KATNIP: variants seen among roughly 807,000 people sequenced by gnomAD.
The protein encoded by KATNIP is katanin-interacting protein.
Under a neutral mutation model 174.0 loss-of-function variants are expected in KATNIP, and 126 were observed. The ratio of observed to expected loss-of-function variants is 0.72; its 90% CI spans 0.63 to 0.84. The LOEUF (loss-of-function observed/expected upper bound fraction) is 0.84, where lower values mean the gene tolerates loss of function less well. Ranked by LOEUF, KATNIP falls within the 40% of genes least tolerant of loss-of-function variation. The probability of loss-of-function intolerance (pLI) is 0.00; values close to 1 mark genes in which losing one functional copy is unlikely to be tolerated. For missense variants in KATNIP, 1,958 were observed against 2,109.7 expected (o/e 0.93, Z 1.41); for synonymous variants, 810 against 835.7 (o/e 0.97, Z 0.53).
chr16:27,634,160 A>G (rs963599046), intron 5 of KATNIP, among the ~76,000 whole-genome samples: 1 of 152,144 alleles, frequency 6.6e-6, no homozygotes, highest in African/African-American at 2.4e-5. Flanking sequence ...TTGGCCTAAG[A>G]TTAATTAGCA....
At chr16:27,733,600 CACAT>C (rs1366207715) in intron 14 of KATNIP, among the ~76,000 whole-genome samples, 3 of 149,582 alleles carry the variant, frequency 2.0e-5, no homozygotes, top group East Asian at 2.0e-4. Flanking sequence ...CACACACACA[CACAT>C]ATGCAGAGAG....
intron 20 of KATNIP, among the ~76,000 whole-genome samples, chr16:27,767,869 C>T (rs78384615): frequency 0.038 from 5,763 of 152,274 alleles, 184 homozygotes; most frequent in East Asian, 0.1. Flanking sequence ...GAACGCTCCC[C>T]TGGGTTCAAC....
At position 27,774,942 on chromosome 16, in the gene KATNIP, C is replaced by T. The variant is rs1404053412; in HGVS notation, c.4310-3C>T. The T allele has an allele frequency of 4.3e-6, 7 of 1,613,892 alleles. No homozygotes were observed. Among genetic ancestry groups the T allele is most frequent in the Middle Eastern group, 1.7e-4 (1 of 6,058 alleles). ...GGTTATGGCAACTTAGACGTCTCCT[C>T]AGATATTGCGGCCTTCCCCGACAGC... On this transcript the variant is annotated splice_polypyrimidine_tract_variant and splice_region_variant and intron_variant, in intron 23 of 27. Coordinates refer to ENST00000261588, the MANE Select transcript of KATNIP (RefSeq NM_015202.5).
intron 3 of KATNIP, among the ~76,000 whole-genome samples, chr16:27,621,466 G>A (rs1056818924): frequency 3.3e-5 from 5 of 152,128 alleles, no homozygotes; most frequent in South Asian, 2.1e-4. Flanking sequence ...AAGCCCCTAC[G>A]TACATCCTAC....
chr16:27,646,389 G>A (rs929220438), intron 5 of KATNIP, among the ~76,000 whole-genome samples: 3 of 152,152 alleles, frequency 2.0e-5, no homozygotes, highest in African/African-American at 7.2e-5. Flanking sequence ...TGCTGCCTTA[G>A]GTCCGTTTCT....
chr16:27,717,696 T>C (rs185055420), intron 13 of KATNIP, among the ~76,000 whole-genome samples: 12 of 152,322 alleles, frequency 7.9e-5, no homozygotes, highest in African/African-American at 2.2e-4. Flanking sequence ...GCCCTAGCAC[T>C]TCAGGGCATG....
At chr16:27,720,876 A>C (rs1056338814) in intron 13 of KATNIP, among the ~76,000 whole-genome samples, 1 of 152,178 alleles carries the variant, frequency 6.6e-6, no homozygotes, top group Admixed American at 6.5e-5. Flanking sequence ...GCTGGGGCTG[A>C]GAAAAGTCCC....
At chr16:27,747,338 G>A (rs2081328816) in intron 15 of KATNIP, among the ~76,000 whole-genome samples, 1 of 152,188 alleles carries the variant, frequency 6.6e-6, no homozygotes, top group African/African-American at 2.4e-5. Flanking sequence ...TTCAGTGGCG[G>A]GTTAGGGAAT....
At chr16:27,554,253 G>A (rs570718451) in intron 1 of KATNIP, among the ~76,000 whole-genome samples, 3 of 152,124 alleles carry the variant, frequency 2.0e-5, no homozygotes, top group East Asian at 1.9e-4. Flanking sequence ...ACCTGAGGTC[G>A]GGAGTTTGAG....
At chr16:27,562,658 G>A (rs971460131) in intron 1 of KATNIP, among the ~76,000 whole-genome samples, 5 of 152,226 alleles carry the variant, frequency 3.3e-5, no homozygotes, top group Non-Finnish European at 7.3e-5. Flanking sequence ...GATGAGACTT[G>A]GTTGGAGTGC....
Position 27,737,496 on chromosome 16 carries a change from G to A in KATNIP, c.1744-2545G>A, listed in dbSNP as rs74016991. 4.4e-3 allele frequency among the ~76,000 whole-genome samples: 669 copies of A among 152,278 alleles called. 7 individuals carry two copies. Among genetic ancestry groups the A allele is most frequent in the African/African-American group, 0.015 (634 of 41,556 alleles). On this transcript the variant is annotated intron_variant, in intron 14 of 27. Coordinates refer to ENST00000261588, the MANE Select transcript of KATNIP (RefSeq NM_015202.5). ...GGGCTTGGTGGAGAGGTCAGGGTTG[G>A]AGATGAAAATAACTGGGAGCCTGGG... is the stretch of plus-strand genomic sequence containing the variant.
intron 9 of KATNIP, 110 bp from the exon 10 acceptor site, chr16:27,699,424 A>G (rs1198719680): frequency 5.1e-5 from 77 of 1,516,476 alleles, no homozygotes; most frequent in Admixed American, 1.8e-4. Flanking sequence ...CTTTATATCT[A>G]TGGTAGCTTG....
rs1452755718 is a variant in KATNIP, at chr16:27,719,601, G to A, written c.1606-1957G>A. 5.3e-5 allele frequency among the ~76,000 whole-genome samples: 8 copies of A among 151,060 alleles called. No individual in the cohort carries two copies. In the East Asian group the frequency reaches 1.6e-3, roughly 29 times the overall value. On this transcript the variant is annotated intron_variant, in intron 13 of 27. Transcript: ENST00000261588. ...TCACTACGTTGGCCAGGCTGGTCTC[G>A]AACTCCTGACCTCAAATGATCCACC... is the stretch of plus-strand genomic sequence containing the variant.
intron 27 of KATNIP, among the ~76,000 whole-genome samples, 160 bp from the exon 28 acceptor site, chr16:27,778,414 C>T (rs868251455): frequency 5.9e-5 from 9 of 152,156 alleles, no homozygotes; most frequent in Admixed American, 3.3e-4. Context: ...CTGCTCCAGG[C>T]GGAGGGAAGG....
intron 2 of KATNIP, among the ~76,000 whole-genome samples, chr16:27,608,625 C>T (rs1408783573): frequency 1.3e-5 from 2 of 151,970 alleles, no homozygotes; most frequent in Non-Finnish European, 2.9e-5. Flanking sequence ...TCAAGCTATC[C>T]TGCCACCTCA....
intron 3 of KATNIP, among the ~76,000 whole-genome samples, chr16:27,624,422 T>C (rs893156271): frequency 6.6e-6 from 1 of 152,112 alleles, no homozygotes; most frequent in African/African-American, 2.4e-5. Flanking sequence ...ATGGAAATGA[T>C]GGGTGTGGTG....
chr16:27,550,555 G>A (rs1027654369), intron 1 of KATNIP, among the ~76,000 whole-genome samples: 2 of 152,194 alleles, frequency 1.3e-5, no homozygotes, highest in African/African-American at 4.8e-5. Flanking sequence ...CAATCGTCAG[G>A]TGCTGGGAAA....
At chr16:27,773,316 A>T (rs1249381831) in intron 23 of KATNIP, 107 bp downstream of exon 23, 1 of 724,670 alleles carries the variant, frequency 1.4e-6, no homozygotes, top group Non-Finnish European at 2.3e-6. Context: ...CCCTCTAGGA[A>T]CCAGAGCCCA....
chr16:27,719,308 G>A (rs1156239335), intron 13 of KATNIP, among the ~76,000 whole-genome samples: 2 of 152,172 alleles, frequency 1.3e-5, no homozygotes, highest in Non-Finnish European at 2.9e-5. Flanking sequence ...GGGCTCCTGA[G>A]CTGCCATGTC....
Sources: allele counts gnomAD v4.1 joint callset (sites outside exome capture counted in the v4.1 genomes callset), GRCh38; gene constraint gnomAD v4.1.1; transcripts MANE v1.5; gene names NCBI Gene and HGNC (gene_info 2026-07-23, HGNC 2026-07-21).